ZNF627: variants seen among roughly 807,000 people sequenced by gnomAD.
ZNF627 encodes the protein zinc finger protein 627.
A neutral mutation model predicts 10.6 loss-of-function variants in ZNF627; 12 were observed. The ratio of observed to expected loss-of-function variants is 1.13; its 90% CI spans 0.73 to 1.84. The LOEUF (loss-of-function observed/expected upper bound fraction) is 1.84, where lower values mean the gene tolerates loss of function less well. ZNF627 is among the 40% of genes most tolerant of loss of function. The pLI, the probability that ZNF627 is intolerant of heterozygous loss-of-function variation, is 0.00. For missense variants in ZNF627, 504 were observed against 568.4 expected, an observed-to-expected ratio of 0.89 and a Z score of 1.15; for synonymous variants, 176 against 187.1, an observed-to-expected ratio of 0.94 and a Z score of 0.48.
intron 1 of ZNF627, among the ~76,000 whole-genome samples, chr19:11,612,016 T>C (rs1973778826): frequency 6.6e-6 from 1 of 152,150 alleles, no homozygotes; most frequent in South Asian, 2.1e-4. Context: ...GCCTGCATAA[T>C]TTTTACTATT....
At chr19:11,605,385 A>G (rs1488905324) in intron 1 of ZNF627, among the ~76,000 whole-genome samples, 1 of 151,980 alleles carries the variant, frequency 6.6e-6, no homozygotes, top group Non-Finnish European at 1.5e-5. Context: ...GTCTGTTTTC[A>G]TGCTGCTAAT....
intron 3 of ZNF627, among the ~76,000 whole-genome samples, chr19:11,615,371 T>C: frequency 6.7e-6 from 1 of 149,352 alleles, no homozygotes; most frequent in East Asian, 2.1e-4. Context: ...GAGGCTGAGG[T>C]GGGCAGATCA....
At chr19:11,609,469 TTTTATATATATATATATATATA>T (rs1226360975) in intron 1 of ZNF627, among the ~76,000 whole-genome samples, 14 of 115,862 alleles carry the variant, frequency 1.2e-4, no homozygotes, top group African/African-American at 4.3e-4. Context: ...TTTTAAAAAA[TTTTATATATATATATATATATA>T]TATATATATA....
At chr19:11,609,189 T>C (rs1296420723) in intron 1 of ZNF627, among the ~76,000 whole-genome samples, 2 of 151,986 alleles carry the variant, frequency 1.3e-5, no homozygotes, top group South Asian at 4.1e-4. Flanking sequence ...TTATTAATTG[T>C]GGCTATAAAA....
intron 1 of ZNF627, among the ~76,000 whole-genome samples, chr19:11,609,538 A>G (rs1477407888): frequency 8.3e-6 from 1 of 120,448 alleles, no homozygotes; most frequent in Admixed American, 8.8e-5. Flanking sequence ...CCCCCCCGAG[A>G]CTGAGTCTTG....
At chr19:11,609,517 A>ATG (rs1159533257) in intron 1 of ZNF627, among the ~76,000 whole-genome samples, 2 of 98,044 alleles carry the variant, frequency 2.0e-5, no homozygotes, top group Non-Finnish European at 4.2e-5. Context: ...ATATATATAT[A>ATG]TGTATTTTTT....
intron 1 of ZNF627, among the ~76,000 whole-genome samples, chr19:11,612,899 T>G (rs576623090): frequency 4.0e-5 from 6 of 151,746 alleles, no homozygotes; most frequent in African/African-American, 1.5e-4. Flanking sequence ...ATAGGTTTCT[T>G]TTCCACCCTC....
At chr19:11,614,325 C>T (rs1474029493) in intron 1 of ZNF627, among the ~76,000 whole-genome samples, 1 of 152,196 alleles carries the variant, frequency 6.6e-6, no homozygotes, top group Non-Finnish European at 1.5e-5. Context: ...TGCTCCTATT[C>T]TGCTGTTGCT....
chr19:11,597,664 G>A (rs1196934059), intron 1 of ZNF627, 34 bp downstream of exon 1: 1 of 1,338,286 alleles, frequency 7.5e-7, no homozygotes, highest in South Asian at 2.6e-5. Context: ...CCCAGACCTG[G>A]GGGAGGGGCT....
In ZNF627 at chr19:11,616,766, A is replaced by T. The variant is rs1320676164; in HGVS notation, c.263A>T (p.Asp88Val). 43 of 1,613,620 alleles carry T rather than the reference A, an allele frequency of 2.7e-5. No individual in the cohort carries two copies. In the Admixed American group the frequency reaches 7.2e-4, roughly 27 times the overall value. ...GAAGAAACCTTCAGCCAGATTCCAGATGGTATTCTGAACAAGAAAACTCCT... is the reference window on the plus strand; with the variant it reads ...GAAGAAACCTTCAGCCAGATTCCAGTTGGTATTCTGAACAAGAAAACTCCT... ...QGEETFSQIP[D>V]GILNKKTPGV... Residue 88 changes from aspartate (D) to valine (V), a missense_variant, in exon 4 of 4, where the codon GAT becomes GTT. Asp to Val is a radical substitution (Grantham distance 152, BLOSUM62 -3). Transcript: ENST00000361113.
Position 11,614,432 on chromosome 19 carries a change from A to C in ZNF627, c.4-95A>C, listed in dbSNP as rs553129120. ...TGGAATCTTGAAATAAATGTTTGGAAAGCATAGCATCCTGAGAACTTCTTG... is the reference window on the plus strand; with the variant it reads ...TGGAATCTTGAAATAAATGTTTGGACAGCATAGCATCCTGAGAACTTCTTG... On this transcript the variant is annotated intron_variant, in intron 1 of 3. Transcript: ENST00000361113. The C allele has an allele frequency of 9.6e-4, 1,493 of 1,557,836 alleles. 24 individuals carry two copies. The South Asian group carries it at 0.017, about 18-fold the overall frequency.
Position 11,616,871 on chromosome 19 carries a change from A to C in ZNF627, c.368A>C (p.His123Pro). The change falls in exon 4 of 4, where the codon CAC (histidine) becomes CCC (proline). Residue 123 changes from histidine (H) to proline (P), a missense_variant. By Grantham distance (77) the His-to-Pro change is moderately conservative. Transcript: ENST00000361113. Reference sequence around the variant, plus strand: ...TCACTTAATAGGCACATCAGAGATCACACTGGACGTGAACCAAATGAATAT... The same window carrying C: ...TCACTTAATAGGCACATCAGAGATCCCACTGGACGTGAACCAAATGAATAT... ...PSSLNRHIRD[H>P]TGREPNEYQE... 2 of 1,614,098 alleles carry C rather than the reference A, an allele frequency of 1.2e-6. No individual in the cohort carries two copies. The highest frequency in any genetic ancestry group is 1.7e-6 in the Non-Finnish European group (2 of 1,180,016).
chr19:11,600,115 A>G (rs1973559479), intron 1 of ZNF627, among the ~76,000 whole-genome samples: 1 of 152,100 alleles, frequency 6.6e-6, no homozygotes, highest in Non-Finnish European at 1.5e-5. Context: ...ATTTCAGAAA[A>G]CATTAAATAT....
intron 1 of ZNF627, among the ~76,000 whole-genome samples, chr19:11,604,520 G>C (rs1219524972): frequency 6.6e-6 from 1 of 152,168 alleles, no homozygotes; most frequent in Admixed American, 6.6e-5. Context: ...GGGTTTGTGG[G>C]TGGGAGGTAC....
chr19:11,609,053 T>C (rs1294397495), intron 1 of ZNF627, among the ~76,000 whole-genome samples: 1 of 152,082 alleles, frequency 6.6e-6, no homozygotes, highest in East Asian at 1.9e-4. Context: ...GTATTTTTTG[T>C]AGAGACAGGG....
chr19:11,599,564 C>T (rs538110648), intron 1 of ZNF627, among the ~76,000 whole-genome samples: 1 of 152,188 alleles, frequency 6.6e-6, no homozygotes, highest in South Asian at 2.1e-4. Flanking sequence ...GGTCACTGAG[C>T]CCTTCAGTGA....
intron 3 of ZNF627, among the ~76,000 whole-genome samples, chr19:11,615,423 A>G (rs896463521): frequency 7.5e-5 from 11 of 146,740 alleles, no homozygotes; most frequent in Non-Finnish European, 1.5e-4. Context: ...ACACGGTGAA[A>G]CTCCGTCTCT....
intron 1 of ZNF627, chr19:11,604,115 T>C (rs1973634760): frequency 6.6e-6 from 1 of 152,058 alleles, no homozygotes; most frequent in Non-Finnish European, 1.5e-5. Context: ...GATGAACCAA[T>C]ATATCATATA....
In ZNF627 at chr19:11,597,512, G is replaced by T. The variant is rs377368298; in HGVS notation, c.-116G>T. 10 of 1,138,292 alleles carry T rather than the reference G, an allele frequency of 8.8e-6. No homozygotes were observed. The South Asian group carries it at 3.4e-4, about 39-fold the overall frequency. The allele number at this position is 1,138,292 out of a possible 1,614,324, so 70.5% of individuals were successfully genotyped here. On this transcript the variant is annotated 5_prime_UTR_variant, in exon 1 of 4. Coordinates refer to ENST00000361113, the MANE Select transcript of ZNF627 (RefSeq NM_145295.4). ...CTGGCGACCGTCCCCACCCGGGCTC[G>T]CGTCTCCGTTTCTCCGAGAGGCCCA...
Sources: allele counts gnomAD v4.1 joint callset (sites outside exome capture counted in the v4.1 genomes callset), GRCh38; gene constraint gnomAD v4.1.1; transcripts MANE v1.5; gene names NCBI Gene and HGNC (gene_info 2026-07-23, HGNC 2026-07-21).